Variants in SLC26A7 observed in about 807,000 individuals in gnomAD.
The protein encoded by SLC26A7 is anion exchange transporter.
Under a neutral mutation model 82.5 loss-of-function variants are expected in SLC26A7, and 59 were observed. The observed-to-expected ratio is 0.72, with a 90% CI of 0.58 to 0.89. The LOEUF (loss-of-function observed/expected upper bound fraction) is 0.89, where lower values mean the gene tolerates loss of function less well. Among genes scored for constraint, SLC26A7 ranks in the 40% least tolerant of loss-of-function variants. SLC26A7 has a pLI of 0.00. For synonymous variants in SLC26A7, 271 were observed against 274.3 expected (o/e 0.99, Z 0.12); for missense variants, 820 against 793.0 (o/e 1.03, Z -0.41).
intron 4 of SLC26A7, among the ~76,000 whole-genome samples, chr8:91,311,775 G>A (rs931176260): frequency 6.6e-6 from 1 of 152,168 alleles, no homozygotes; most frequent in Non-Finnish European, 1.5e-5. Context: ...GGGAGGAAGA[G>A]GGAGGATGTG....
chr8:91,298,359 T>C (rs1005067634), intron 4 of SLC26A7, among the ~76,000 whole-genome samples: 3 of 152,156 alleles, frequency 2.0e-5, no homozygotes, highest in Admixed American at 6.5e-5. Flanking sequence ...TTTTAACTTA[T>C]GCATTTTTTA....
chr8:91,340,436 T>G lies in SLC26A7; in HGVS notation c.911T>G (p.Ile304Ser), dbSNP rs1813372192. 2 of 1,613,772 alleles carry G rather than the reference T, an allele frequency of 1.2e-6. No homozygotes were observed. The highest frequency in any genetic ancestry group is 3.3e-5 in the Admixed American group (2 of 60,002). ...TCACCTAGAGCTCCCCCGATGAACA[T>G]CCTCTCTGCGGTGATCACTGAAGCT... ...IPSPRAPPMN[I>S]LSAVITEAFG... is the part of the protein sequence containing the mutation. Residue 304 changes from isoleucine to serine, a missense_variant, in exon 8 of 19, where the codon ATC (isoleucine) becomes AGC (serine). Transcript: ENST00000276609.
intron 2 of SLC26A7, among the ~76,000 whole-genome samples, chr8:91,229,852 A>G (rs1361484530): frequency 2.0e-5 from 3 of 152,202 alleles, no homozygotes; most frequent in Admixed American, 6.5e-5. Flanking sequence ...ATACCCGTTT[A>G]TATAGTAATG....
intron 4 of SLC26A7, among the ~76,000 whole-genome samples, chr8:91,310,374 A>G (rs1029210829): frequency 6.6e-6 from 1 of 152,084 alleles, no homozygotes; most frequent in Non-Finnish European, 1.5e-5. Context: ...TGCCAAGTCC[A>G]AGGGGGACAG....
intron 9 of SLC26A7, chr8:91,348,206 T>C (rs571671389): frequency 3.0e-5 from 14 of 469,044 alleles, no homozygotes; most frequent in Middle Eastern, 1.1e-3. Flanking sequence ...TTTAAAACCT[T>C]CTTAATCTAG....
chr8:91,332,323 A>G lies in SLC26A7; in HGVS notation c.643-1972A>G, dbSNP rs187064898. 6.5e-3 allele frequency among the ~76,000 whole-genome samples: 914 copies of G among 141,266 alleles called. 4 individuals carry two copies. The highest frequency in any genetic ancestry group is 9.6e-3 in the Non-Finnish European group (627 of 65,144). The allele number at this position is 141,266 out of a possible 152,430, so 92.7% of individuals were successfully genotyped here. A position where few individuals can be genotyped will look rare whatever the true frequency, so the allele number is the denominator to read the frequency against. On this transcript the variant is annotated intron_variant, in intron 5 of 18. Coordinates refer to ENST00000276609, the MANE Select transcript of SLC26A7 (RefSeq NM_052832.4). ...ATATAGATAAATTATATAATTATAT[A>G]ATTTATATATTATATATAATATATA...
chr8:91,355,541 T>TAA (rs1813839484), intron 11 of SLC26A7, among the ~76,000 whole-genome samples: 1 of 152,094 alleles, frequency 6.6e-6, no homozygotes, highest in Non-Finnish European at 1.5e-5. Flanking sequence ...TTTTTAATTT[T>TAA]AAACATGGCT....
At chr8:91,305,539 C>G (rs1007548353) in intron 4 of SLC26A7, among the ~76,000 whole-genome samples, 4 of 152,116 alleles carry the variant, frequency 2.6e-5, no homozygotes, top group African/African-American at 7.2e-5. Context: ...TTATTGAGCT[C>G]ATATTTCTTA....
intron 2 of SLC26A7, among the ~76,000 whole-genome samples, chr8:91,251,021 A>G (rs1810642060): frequency 7.0e-6 from 1 of 143,812 alleles, no homozygotes; most frequent in Admixed American, 7.0e-5. Flanking sequence ...AACAATACCA[A>G]TGTACTTTGA....
chr8:91,260,549 C>T (rs1810934993), intron 2 of SLC26A7, among the ~76,000 whole-genome samples: 1 of 152,098 alleles, frequency 6.6e-6, no homozygotes, highest in Admixed American at 6.6e-5. Flanking sequence ...GAAACACTTT[C>T]AGCTCCTATC....
At chr8:91,245,853 G>T (rs1049989274), upstream of SLC26A7, among the ~76,000 whole-genome samples, 2 of 152,122 alleles carry the variant, frequency 1.3e-5, no homozygotes, top group African/African-American at 4.8e-5. Flanking sequence ...CATAATTGCC[G>T]CAGAGATCCT....
At chr8:91,272,358 A>T (rs776002488) in intron 2 of SLC26A7, among the ~76,000 whole-genome samples, 6 of 152,204 alleles carry the variant, frequency 3.9e-5, no homozygotes, top group Non-Finnish European at 7.3e-5. Flanking sequence ...ATATTCCTTA[A>T]TAATAGATGT....
At position 91,249,759 on chromosome 8, in the gene SLC26A7, T is replaced by C. The variant is rs1810608660; in HGVS notation, c.108T>C (p.Asp36=). The stretch of plus-strand genomic sequence containing the variant: ...GTAGAAGGCGACTGCCCATTTTGGA[T>C]TGGGCACCACATTACAATCTGAAAG... ...QWCRRRLPIL[D]WAPHYNLKEN... The change falls in exon 2 of 19, where the codon GAT becomes GAC. Residue 36 remains aspartate (D), a synonymous_variant. Coordinates refer to ENST00000276609, the MANE Select transcript of SLC26A7 (RefSeq NM_052832.4). 8 of 1,612,612 alleles carry C rather than the reference T, an allele frequency of 5.0e-6. No homozygotes were observed. In the East Asian group the frequency reaches 1.3e-4, roughly 27 times the overall value.
At chr8:91,368,289 C>T (rs1814250761) in intron 14 of SLC26A7, among the ~76,000 whole-genome samples, 1 of 152,158 alleles carries the variant, frequency 6.6e-6, no homozygotes, top group South Asian at 2.1e-4. Context: ...TCTGTGCTCT[C>T]TGGAAGAAAG....
At chr8:91,264,521 C>G (rs1811055757) in intron 2 of SLC26A7, among the ~76,000 whole-genome samples, 1 of 151,952 alleles carries the variant, frequency 6.6e-6, no homozygotes, top group South Asian at 2.1e-4. Flanking sequence ...CTCCTTATAC[C>G]TGAGCCTCCT....
chr8:91,306,230 C>A (rs911095723), intron 4 of SLC26A7, among the ~76,000 whole-genome samples: 1 of 152,198 alleles, frequency 6.6e-6, no homozygotes, highest in Admixed American at 6.5e-5. Context: ...CAATTTTAAC[C>A]CTATCCAGCA....
At chr8:91,335,098 T>C (rs929461367) in intron 6 of SLC26A7, among the ~76,000 whole-genome samples, 2 of 152,066 alleles carry the variant, frequency 1.3e-5, no homozygotes, top group Non-Finnish European at 2.9e-5. Context: ...AATAAAATCT[T>C]AACATATAAC....
rs1044356904 is a variant in SLC26A7 at position 91,213,296 on chromosome 8, C to T, written c.-150+3754C>T. ...AGGGTGGAATGACCATATAATGTGT[C>T]GTCTAAGCCAAGATGCTTTTGAGAG... On this transcript the variant is annotated intron_variant, in intron 1 of 5. Transcript: ENST00000522862. 9.9e-5 allele frequency among the ~76,000 whole-genome samples: 15 copies of T among 152,148 alleles called. No individual in the cohort carries two copies. In the East Asian group the frequency reaches 1.7e-3, roughly 18 times the overall value.
chr8:91,360,695 G>T (rs1273839221), intron 11 of SLC26A7, among the ~76,000 whole-genome samples: 5 of 152,082 alleles, frequency 3.3e-5, no homozygotes, highest in East Asian at 1.9e-4. Flanking sequence ...TTTTTAAGTG[G>T]CAGGGACCAG....
Sources: allele counts gnomAD v4.1 joint callset (sites outside exome capture counted in the v4.1 genomes callset), GRCh38; gene constraint gnomAD v4.1.1; transcripts MANE v1.5; gene names NCBI Gene and HGNC (gene_info 2026-07-23, HGNC 2026-07-21).